DSCAM: variants seen among roughly 807,000 people sequenced by gnomAD.
The protein encoded by DSCAM is DS cell adhesion molecule.
Under a neutral mutation model 217.7 loss-of-function variants are expected in DSCAM, and 47 were observed. The ratio of observed to expected loss-of-function variants is 0.22; its 90% CI spans 0.17 to 0.28. DSCAM has a LOEUF of 0.28. Ranked by LOEUF, DSCAM falls within the 10% of genes least tolerant of loss-of-function variation. The pLI, the probability that DSCAM is intolerant of heterozygous loss-of-function variation, is 1.00. For missense variants in DSCAM, 2,080 were observed against 2,618.3 expected (o/e 0.79, Z 4.49); for synonymous variants, 1,056 against 1,015.3 (o/e 1.04, Z -0.76).
intron 3 of DSCAM, among the ~76,000 whole-genome samples, chr21:40,373,308 TG>T (rs1469112069): frequency 6.6e-6 from 1 of 152,088 alleles, no homozygotes; most frequent in Non-Finnish European, 1.5e-5. Flanking sequence ...GTGTTATAGG[TG>T]GTCAGGAAAC....
intron 3 of DSCAM, among the ~76,000 whole-genome samples, chr21:40,509,851 G>A (rs1289176384): frequency 6.6e-6 from 1 of 152,192 alleles, no homozygotes; most frequent in African/African-American, 2.4e-5. Context: ...TAGGCTGGGT[G>A]AGGTGGCTCA....
At chr21:40,128,970 T>C (rs374228383) in intron 19 of DSCAM, among the ~76,000 whole-genome samples, 25 of 152,146 alleles carry the variant, frequency 1.6e-4, no homozygotes, top group African/African-American at 6.0e-4. Flanking sequence ...AATGTAAAAA[T>C]ACCACAATCA....
At chr21:40,090,176 T>C (rs2089588672) in intron 21 of DSCAM, among the ~76,000 whole-genome samples, 1 of 152,192 alleles carries the variant, frequency 6.6e-6, no homozygotes. Context: ...TCGTGGGCTC[T>C]TTCTTATGTA....
At chr21:40,724,467 G>A (rs1442569578) in intron 1 of DSCAM, among the ~76,000 whole-genome samples, 4 of 152,158 alleles carry the variant, frequency 2.6e-5, no homozygotes, top group Non-Finnish European at 5.9e-5. Context: ...ATTGCTTTCT[G>A]CAGATTAAGA....
intron 28 of DSCAM, among the ~76,000 whole-genome samples, chr21:40,059,622 A>C (rs1178606686): frequency 6.6e-6 from 1 of 152,244 alleles, no homozygotes; most frequent in Non-Finnish European, 1.5e-5. Flanking sequence ...AAAATGGTTG[A>C]AAAATAAATG....
At chr21:40,291,789 C>T (rs1392932059) in intron 10 of DSCAM, among the ~76,000 whole-genome samples, 1 of 152,226 alleles carries the variant, frequency 6.6e-6, no homozygotes, top group Non-Finnish European at 1.5e-5. Context: ...TGCTCTGACT[C>T]TTCTTTTTGG....
At chr21:40,582,052 A>G (rs2076909708) in intron 3 of DSCAM, among the ~76,000 whole-genome samples, 1 of 152,210 alleles carries the variant, frequency 6.6e-6, no homozygotes, top group African/African-American at 2.4e-5. Context: ...TACTTTAGAT[A>G]AATGTCATTC....
chr21:40,149,609 C>T lies in DSCAM; in HGVS notation c.3019-4878G>A, dbSNP rs545482001. Among the ~76,000 whole-genome samples, 30 of 146,440 alleles carry T rather than the reference C, an allele frequency of 2.0e-4. 2 individuals are homozygous for T. The highest frequency in any genetic ancestry group is 6.2e-4 in the African/African-American group (24 of 38,922). On this transcript the variant is annotated intron_variant, in intron 16 of 32. Transcript: ENST00000400454. Reference sequence around the variant, plus strand: ...CACCACTGTCACCACCACCATCCATCGCTCCATCACTATCCCAACACCACC... The same window carrying T: ...CACCACTGTCACCACCACCATCCATTGCTCCATCACTATCCCAACACCACC...
intron 3 of DSCAM, among the ~76,000 whole-genome samples, chr21:40,401,383 C>G (rs2075231992): frequency 8.7e-6 from 1 of 114,634 alleles, no homozygotes; most frequent in African/African-American, 3.6e-5. Context: ...AAAGGATATT[C>G]TCAATAAAAT....
chr21:40,508,592 AG>A (rs1177314366), intron 3 of DSCAM, among the ~76,000 whole-genome samples: 1 of 151,202 alleles, frequency 6.6e-6, no homozygotes, highest in African/African-American at 2.4e-5. Context: ...ATTTAAAGAT[AG>A]AGTCTTGCCC....
rs139520173 is a variant in DSCAM at position 40,704,175 on chromosome 21, G to A, written c.361+4279C>T. On this transcript the variant is annotated intron_variant, in intron 2 of 32. Transcript: ENST00000400454. ...GCCCTAAAAAAATCCCCTGTGCTCC[G>A]TCTGTTCAACCCTCCCTCCCTCCTG... Among the ~76,000 whole-genome samples, 10 of 152,042 alleles carry A rather than the reference G, an allele frequency of 6.6e-5. No individual in the cohort carries two copies. The East Asian group carries it at 1.2e-3, about 18-fold the overall frequency.
At chr21:40,729,337 G>A (rs1433213285) in intron 1 of DSCAM, among the ~76,000 whole-genome samples, 1 of 152,308 alleles carries the variant, frequency 6.6e-6, no homozygotes, top group Non-Finnish European at 1.5e-5. Flanking sequence ...TGAGAAGAAA[G>A]TGCTGCACTC....
chr21:40,734,716 T>TCA (rs2091046115), intron 1 of DSCAM, among the ~76,000 whole-genome samples: 1 of 152,228 alleles, frequency 6.6e-6, no homozygotes, highest in Non-Finnish European at 1.5e-5. Flanking sequence ...TATGGCTCGT[T>TCA]CACACTTGAT....
chr21:40,064,661 G>C (rs865840375), intron 27 of DSCAM, among the ~76,000 whole-genome samples: 1 of 152,196 alleles, frequency 6.6e-6, no homozygotes, highest in Non-Finnish European at 1.5e-5. Context: ...GACGTGGGGA[G>C]CTTTGCCATG....
At chr21:40,136,968 A>G (rs1232327120) in intron 18 of DSCAM, among the ~76,000 whole-genome samples, 1 of 152,022 alleles carries the variant, frequency 6.6e-6, no homozygotes, top group Non-Finnish European at 1.5e-5. Context: ...AGGTCAAGAC[A>G]TCGAGACCAT....
At chr21:40,160,233 C>A (rs1469898480) in intron 16 of DSCAM, among the ~76,000 whole-genome samples, 1 of 152,166 alleles carries the variant, frequency 6.6e-6, no homozygotes, top group African/African-American at 2.4e-5. Context: ...GAAAAGGGTT[C>A]AAGTTCCAAT....
At chr21:40,534,415 A>G (rs1028355376) in intron 3 of DSCAM, among the ~76,000 whole-genome samples, 4 of 152,186 alleles carry the variant, frequency 2.6e-5, no homozygotes, top group African/African-American at 4.8e-5. Context: ...TGTATGTAAG[A>G]AAGGGAAAAA....
intron 1 of DSCAM, among the ~76,000 whole-genome samples, chr21:40,785,958 C>T (rs192365426): frequency 9.8e-5 from 15 of 152,304 alleles, no homozygotes; most frequent in South Asian, 2.1e-4. Flanking sequence ...ATCATCTGGC[C>T]GGACACAGTG....
At chr21:40,094,950 A>C (rs1269048392) in intron 20 of DSCAM, among the ~76,000 whole-genome samples, 1 of 152,228 alleles carries the variant, frequency 6.6e-6, no homozygotes, top group East Asian at 1.9e-4. Context: ...TGATGACTGG[A>C]TAAACATAAT....
Sources: gnomAD v4.1 joint callset for allele counts (sites outside exome capture counted in the v4.1 genomes callset) on GRCh38, gnomAD v4.1.1 for gene constraint, MANE v1.5 for transcripts, NCBI Gene and HGNC (gene_info 2026-07-23, HGNC 2026-07-21) for gene names.